The following TLCD4 variants were observed in gnomAD, a reference collection of about 807,000 sequenced individuals.
TLCD4 encodes TLC domain-containing protein 4.
Under a neutral mutation model 24.2 loss-of-function variants are expected in TLCD4, and 7 were observed. The ratio of observed to expected loss-of-function variants is 0.29; its 90% CI spans 0.16 to 0.54. The LOEUF (loss-of-function observed/expected upper bound fraction) is 0.54, where lower values mean the gene tolerates loss of function less well. Ranked by LOEUF, TLCD4 falls within the 20% of genes least tolerant of loss-of-function variation. The pLI is 0.95. For synonymous variants in TLCD4, 103 were observed against 106.4 expected (o/e 0.97, Z 0.20); for missense variants, 259 against 313.9 (o/e 0.82, Z 1.32).
chr1:95,187,827 C>T (rs576880586), intron 6 of TLCD4, among the ~76,000 whole-genome samples: 8 of 151,558 alleles, frequency 5.3e-5, no homozygotes, highest in East Asian at 1.9e-4. Context: ...TGCTGGAAGC[C>T]GGATGTCCAA....
chr1:95,135,847 T>C (rs891641664), intron 1 of TLCD4, among the ~76,000 whole-genome samples: 1 of 152,060 alleles, frequency 6.6e-6, no homozygotes, highest in Admixed American at 6.6e-5. Flanking sequence ...AGCCTCCTGG[T>C]AGCTGGGATT....
At chr1:95,182,737 C>T (rs1400089480) in intron 6 of TLCD4, among the ~76,000 whole-genome samples, 2 of 152,018 alleles carry the variant, frequency 1.3e-5, no homozygotes, top group Non-Finnish European at 1.5e-5. Context: ...ACTCAGGGGT[C>T]CATAAACCAC....
the TLCD4 span, among the ~76,000 whole-genome samples, chr1:95,099,047 C>G: frequency 2.5e-5 from 1 of 39,554 alleles, no homozygotes; most frequent in African/African-American, 6.4e-5. Flanking sequence ...GAGTGAAACT[C>G]TGTCTCAAAA....
chr1:95,158,339 C>T (rs1348256639), intron 5 of TLCD4, among the ~76,000 whole-genome samples: 1 of 151,532 alleles, frequency 6.6e-6, no homozygotes, highest in Non-Finnish European at 1.5e-5. Flanking sequence ...CGCCACTTTA[C>T]CTGGCTAATT....
At chr1:95,128,026 C>T (rs780226423) in intron 1 of TLCD4, among the ~76,000 whole-genome samples, 31 of 152,126 alleles carry the variant, frequency 2.0e-4, no homozygotes, top group Admixed American at 1.7e-3. Context: ...ATTGCTTGAA[C>T]CTGGGAAATG....
the TLCD4 span, among the ~76,000 whole-genome samples, chr1:95,092,959 G>C: frequency 6.6e-6 from 1 of 152,160 alleles, no homozygotes; most frequent in Non-Finnish European, 1.5e-5. Context: ...GGCTGGTCTT[G>C]AACTCCTGAC....
intron 5 of TLCD4, among the ~76,000 whole-genome samples, chr1:95,171,630 G>A (rs1678227320): frequency 6.6e-6 from 1 of 152,112 alleles, no homozygotes. Flanking sequence ...GAGAAGGAAA[G>A]TTATTATTGT....
At chr1:95,107,187 G>A in the TLCD4 span, among the ~76,000 whole-genome samples, 1 of 152,222 alleles carries the variant, frequency 6.6e-6, no homozygotes, top group Non-Finnish European at 1.5e-5. Flanking sequence ...ACTTTGGGAG[G>A]CCAAGGCATG....
At chr1:95,157,501 A>G (rs1372663045) in intron 5 of TLCD4, among the ~76,000 whole-genome samples, 2 of 152,224 alleles carry the variant, frequency 1.3e-5, no homozygotes, top group Non-Finnish European at 2.9e-5. Flanking sequence ...TTGATCATCA[A>G]TTAGAATAAT....
chr1:95,119,686 C>T (rs1676517760), intron 1 of TLCD4, among the ~76,000 whole-genome samples: 1 of 152,134 alleles, frequency 6.6e-6, no homozygotes. Context: ...CCTGTTTACT[C>T]TCCTCTTTGG....
At chr1:95,103,543 T>C in the TLCD4 span, among the ~76,000 whole-genome samples, 3 of 152,188 alleles carry the variant, frequency 2.0e-5, no homozygotes, top group African/African-American at 7.2e-5. Context: ...TGAGTTATTT[T>C]TATATTGACA....
chr1:95,136,250 T>G (rs183520680), intron 1 of TLCD4, among the ~76,000 whole-genome samples: 12 of 152,288 alleles, frequency 7.9e-5, no homozygotes, highest in Admixed American at 7.2e-4. Flanking sequence ...ATTTGTTTTT[T>G]TTTGTGTGTG....
chr1:95,094,628 A>G, the TLCD4 span, among the ~76,000 whole-genome samples: 6 of 152,168 alleles, frequency 3.9e-5, no homozygotes, highest in Non-Finnish European at 7.4e-5. Flanking sequence ...TGATCACCAG[A>G]GAGTTTATCT....
chr1:95,191,660 A>G lies in TLCD4; in HGVS notation c.584A>G (p.His195Arg). The G allele has an allele frequency of 6.2e-7, 1 of 1,614,154 alleles. No homozygotes were observed. Among genetic ancestry groups the G allele is most frequent in the East Asian group, 2.2e-5 (1 of 44,866 alleles). Residue 195 changes from histidine to arginine, a missense_variant, in exon 7 of 7, where the codon CAT becomes CGT. His to Arg is a conservative substitution (Grantham distance 29). Transcript: ENST00000370203. ...FIVRIASMLP[H>R]YGFMYSVYGT... ...GTGCGGATTGCCTCAATGCTTCCTCATTATGGCTTCATGTATTCCGTGTAT... is the reference window on the plus strand; with the variant it reads ...GTGCGGATTGCCTCAATGCTTCCTCGTTATGGCTTCATGTATTCCGTGTAT...
At chr1:95,120,613 G>A (rs113423632) in intron 1 of TLCD4, among the ~76,000 whole-genome samples, 2 of 152,228 alleles carry the variant, frequency 1.3e-5, no homozygotes, top group African/African-American at 4.8e-5. Flanking sequence ...GTGGAAGGCT[G>A]TTCAGAGCTT....
rs931487127 is a variant in TLCD4, at chr1:95,177,942, T to G, written c.473+4053T>G. 2.4e-5 allele frequency among the ~76,000 whole-genome samples: 3 copies of G among 126,772 alleles called. No individual in the cohort carries two copies. In the Admixed American group the frequency reaches 2.4e-4, roughly 10 times the overall value. 83.2% of individuals were successfully genotyped at this position (126,772 alleles called of 152,430 possible). A position where few individuals can be genotyped will look rare whatever the true frequency, so the allele number is the denominator to read the frequency against. On this transcript the variant is annotated intron_variant, in intron 6 of 6. Transcript: ENST00000370203. ...ACTGTCTTTTTTTCTTTTCTTTTTT[T>G]TTTTTTTTGTTTTTTTTTGTTTTTT...
chr1:95,124,975 C>T (rs967695128), intron 1 of TLCD4, among the ~76,000 whole-genome samples: 6 of 152,214 alleles, frequency 3.9e-5, no homozygotes, highest in African/African-American at 1.4e-4. Context: ...TTGATAGCAT[C>T]TTCAAGATTA....
At chr1:95,143,748 C>A (rs972472043) in intron 1 of TLCD4, 143 bp from the exon 2 acceptor site, 3 of 826,664 alleles carry the variant, frequency 3.6e-6, no homozygotes, top group Non-Finnish European at 3.2e-6. Context: ...TACAAAAGGT[C>A]AAAAATTCTT....
intron 1 of TLCD4, among the ~76,000 whole-genome samples, chr1:95,127,118 G>A (rs949499338): frequency 2.0e-5 from 3 of 152,244 alleles, no homozygotes. Flanking sequence ...CAGAGGTTGT[G>A]TTGTTCTTGC....
Sources: allele counts gnomAD v4.1 joint callset (sites outside exome capture counted in the v4.1 genomes callset), GRCh38; gene constraint gnomAD v4.1.1; transcripts MANE v1.5; gene names NCBI Gene and HGNC (gene_info 2026-07-23, HGNC 2026-07-21).